Variants in SRPK2 observed in about 807,000 individuals in gnomAD.
SRPK2 encodes the protein SFRS protein kinase 2.
A neutral mutation model predicts 90.8 loss-of-function variants in SRPK2; 21 were observed. That is an observed-to-expected ratio of 0.23 (90% CI 0.16 to 0.33). SRPK2 has a LOEUF of 0.33. Among genes scored for constraint, SRPK2 ranks in the 10% least tolerant of loss-of-function variants. The pLI, the probability that SRPK2 is intolerant of heterozygous loss-of-function variation, is 1.00. For missense variants in SRPK2, 620 were observed against 869.0 expected, an observed-to-expected ratio of 0.71 and a Z score of 3.60; for synonymous variants, 288 against 311.1, an observed-to-expected ratio of 0.93 and a Z score of 0.78.
chr7:105,343,210 A>G (rs1816034461), intron 2 of SRPK2, among the ~76,000 whole-genome samples: 1 of 152,160 alleles, frequency 6.6e-6, no homozygotes, highest in Non-Finnish European at 1.5e-5. Context: ...AGGTGGGATG[A>G]TTGCTTGAGT....
intron 2 of SRPK2, among the ~76,000 whole-genome samples, chr7:105,273,556 G>C (rs1806118548): frequency 6.6e-6 from 1 of 151,770 alleles, no homozygotes; most frequent in Non-Finnish European, 1.5e-5. Flanking sequence ...CCCCCGAGTA[G>C]CTGGGATTAC....
In SRPK2 at chr7:105,325,489, A is replaced by AT. The variant is rs1813459887; in HGVS notation, c.71+63158_71+63159insA. Among the ~76,000 whole-genome samples the AT allele has an allele frequency of 4.0e-5, 6 of 150,250 alleles. No homozygotes were observed. The South Asian group carries it at 1.3e-3, about 32-fold the overall frequency. Reference sequence around the variant, plus strand: ...CTAAGACTAGAAACCAAGTCTTCAAAAAAAAAAAAAAAAAATGATGTCCAT... The same window carrying AT: ...CTAAGACTAGAAACCAAGTCTTCAAATAAAAAAAAAAAAAAATGATGTCCAT... On this transcript the variant is annotated intron_variant, in intron 2 of 15. Coordinates refer to ENST00000393651, the MANE Select transcript of SRPK2 (RefSeq NM_182692.3).
At chr7:105,156,591 C>A (rs968593785) in intron 7 of SRPK2, among the ~76,000 whole-genome samples, 6 of 152,116 alleles carry the variant, frequency 3.9e-5, no homozygotes, top group Admixed American at 3.3e-4. Context: ...GCCTTGACCC[C>A]TTGGGCTCAA....
At chr7:105,264,900 C>G (rs1471359807) in intron 2 of SRPK2, among the ~76,000 whole-genome samples, 1 of 152,156 alleles carries the variant, frequency 6.6e-6, no homozygotes, top group Non-Finnish European at 1.5e-5. Flanking sequence ...TTTACCTAGG[C>G]AGACTGGGAA....
At chr7:105,119,905 T>G (rs1000162542) in intron 15 of SRPK2, among the ~76,000 whole-genome samples, 65 of 152,226 alleles carry the variant, frequency 4.3e-4, no homozygotes, top group African/African-American at 1.6e-3. Context: ...ATTCACTTAA[T>G]AGTATTTAAT....
At chr7:105,197,866 GC>G (rs2129608353) in intron 3 of SRPK2, among the ~76,000 whole-genome samples, 1 of 152,330 alleles carries the variant, frequency 6.6e-6, no homozygotes, top group African/African-American at 2.4e-5. Flanking sequence ...GTACAAAGGT[GC>G]CAACTTATCT....
intron 2 of SRPK2, among the ~76,000 whole-genome samples, chr7:105,362,411 T>A (rs539741474): frequency 6.6e-6 from 1 of 150,896 alleles, no homozygotes; most frequent in African/African-American, 2.4e-5. Context: ...ATGGAGACCA[T>A]CCTGGCTAAC....
Position 105,310,479 on chromosome 7 carries a change from C to T in SRPK2, c.71+78169G>A, listed in dbSNP as rs113192539. ...GCAACATGGCAAAACTCCATGTCTACCAAAAATATAAAACTTTAGCAGGGC... is the reference window on the plus strand; with the variant it reads ...GCAACATGGCAAAACTCCATGTCTATCAAAAATATAAAACTTTAGCAGGGC... On this transcript the variant is annotated intron_variant, in intron 2 of 15. Transcript: ENST00000393651. Among the ~76,000 whole-genome samples, 1,375 of 152,106 alleles carry T rather than the reference C, an allele frequency of 9.0e-3. 20 individuals are homozygous for T. The highest frequency in any genetic ancestry group is 0.011 in the Non-Finnish European group (772 of 68,008).
chr7:105,361,007 G>A (rs935456654), intron 2 of SRPK2, among the ~76,000 whole-genome samples: 2 of 152,000 alleles, frequency 1.3e-5, no homozygotes, highest in African/African-American at 2.4e-5. Flanking sequence ...AGAAATAAAG[G>A]GTATTCAATT....
At chr7:105,227,397 GAC>G (rs1392941828) in intron 2 of SRPK2, among the ~76,000 whole-genome samples, 1 of 151,938 alleles carries the variant, frequency 6.6e-6, no homozygotes, top group Non-Finnish European at 1.5e-5. Flanking sequence ...TTTGTGAAAA[GAC>G]ACAATTTAAA....
intron 2 of SRPK2, among the ~76,000 whole-genome samples, chr7:105,324,744 G>A (rs930623097): frequency 2.0e-5 from 3 of 152,072 alleles, no homozygotes; most frequent in Admixed American, 1.3e-4. Flanking sequence ...AAAATTAGCC[G>A]AATGTGGTGG....
chr7:105,324,305 C>A (rs1813311641), intron 2 of SRPK2, among the ~76,000 whole-genome samples: 1 of 151,434 alleles, frequency 6.6e-6, no homozygotes, highest in Non-Finnish European at 1.5e-5. Context: ...CTGCGCCGGG[C>A]CAACTATTCC....
chr7:105,207,973 C>T (rs191857100), intron 2 of SRPK2, among the ~76,000 whole-genome samples: 14 of 152,072 alleles, frequency 9.2e-5, no homozygotes, highest in African/African-American at 3.4e-4. Flanking sequence ...ACTAATTTAA[C>T]AATGGATAAA....
intron 2 of SRPK2, among the ~76,000 whole-genome samples, chr7:105,237,664 T>C (rs1020644363): frequency 2.6e-5 from 4 of 152,262 alleles, no homozygotes; most frequent in Admixed American, 1.3e-4. Flanking sequence ...ACTTTAAAAC[T>C]TGAATACCTT....
Position 105,288,377 on chromosome 7 carries a change from C to T in SRPK2, c.72-84592G>A, listed in dbSNP as rs117731671. On this transcript the variant is annotated intron_variant, in intron 2 of 15. Transcript: ENST00000393651. ...TTTGGGAGGTAGGGCGGGTGGATCA[C>T]GAAATCAGGAGTTTGAGATCAGCCT... 5.1e-3 allele frequency among the ~76,000 whole-genome samples: 780 copies of T among 152,134 alleles called. 13 individuals are homozygous for T. In the East Asian group the frequency reaches 0.055, roughly 11 times the overall value.
At position 105,388,802 on chromosome 7, in the gene SRPK2, C is replaced by T. The variant is rs1821974668; in HGVS notation, c.5G>A (p.Ser2Asn). 6.9e-7 allele frequency: 1 copy of T among 1,450,252 alleles called. No individual in the cohort carries two copies. The highest frequency in any genetic ancestry group is 9.1e-7 in the Non-Finnish European group (1 of 1,098,228). 89.8% of individuals were successfully genotyped at this position (1,450,252 alleles called of 1,614,324 possible). Residue 2 changes from serine to asparagine, a missense_variant, in exon 1 of 16, where the codon AGC becomes AAC. Ser to Asn is a conservative substitution (Grantham distance 46). Transcript: ENST00000393651. M[S>N]SRKVLAIQAR... ...CGCGGGCCACTCACCTTTCCGGGAG[C>T]TCATTCCGACGCGGCGGAAGCGGGG...
chr7:105,368,913 GCTCCTTCAGTC>G, intron 2 of SRPK2, among the ~76,000 whole-genome samples: 1 of 146,506 alleles, frequency 6.8e-6, no homozygotes, highest in African/African-American at 2.5e-5. Flanking sequence ...AAAGACTCAG[GCTCCTTCAGTC>G]CTTCATTTTT....
At chr7:105,153,117 C>T (rs1018949346) in intron 7 of SRPK2, among the ~76,000 whole-genome samples, 5 of 152,232 alleles carry the variant, frequency 3.3e-5, no homozygotes, top group Admixed American at 1.3e-4. Flanking sequence ...CTGAGATCAA[C>T]CTAAGCCCAG....
chr7:105,331,395 G>A (rs1814385868), intron 2 of SRPK2, among the ~76,000 whole-genome samples: 1 of 134,054 alleles, frequency 7.5e-6, no homozygotes, highest in Admixed American at 7.8e-5. Context: ...CAACAAAAAA[G>A]TTCAGATATA....
Sources: gnomAD v4.1 joint callset for allele counts (sites outside exome capture counted in the v4.1 genomes callset) on GRCh38, gnomAD v4.1.1 for gene constraint, MANE v1.5 for transcripts, NCBI Gene and HGNC (gene_info 2026-07-23, HGNC 2026-07-21) for gene names.